The following GRIP1 variants were observed in gnomAD, a reference collection of about 807,000 sequenced individuals.
GRIP1 encodes glutamate receptor-interacting protein 1.
GRIP1 carries 45 observed loss-of-function variants against 129.9 expected under a neutral mutation model. That is an observed-to-expected ratio of 0.35 (90% CI 0.27 to 0.44). The LOEUF is 0.44. Ranked by LOEUF, GRIP1 falls within the 20% of genes least tolerant of loss-of-function variation. The probability of loss-of-function intolerance (pLI) is 1.00; values close to 1 mark genes in which losing one functional copy is unlikely to be tolerated. For missense variants in GRIP1, 1,196 were observed against 1,396.8 expected (o/e 0.86, Z 2.29); for synonymous variants, 530 against 520.8 (o/e 1.02, Z -0.24).
In GRIP1 at chr12:66,392,473, G is replaced by T; in HGVS notation, c.2299C>A (p.Pro767Thr). The T allele has an allele frequency of 6.2e-7, 1 of 1,614,124 alleles. No individual in the cohort carries two copies. Among genetic ancestry groups the T allele is most frequent in the Non-Finnish European group, 8.5e-7 (1 of 1,180,002 alleles). The change falls in exon 19 of 25, where the codon CCT becomes ACT. Residue 767 changes from proline to threonine, a missense_variant. By Grantham distance (38) the Pro-to-Thr change is conservative. Around this residue, in one of 5 missense-constraint regions of GRIP1, gnomAD observed 427 missense variants for 463.3 expected, o/e 0.92. Coordinates refer to ENST00000359742, the MANE Select transcript of GRIP1 (RefSeq NM_001366722.1). ...AGGTCACTCAAATGGCTAGAAATAG[G>T]GAACTTCTTGGGGCTCGATGCTGAC... is the stretch of plus-strand genomic sequence containing the variant. ...AQSASSPKKF[P>T]ISSHLSDLGD...
intron 4 of GRIP1, among the ~76,000 whole-genome samples, chr12:66,536,611 G>A (rs2061610985): frequency 6.6e-6 from 1 of 152,094 alleles, no homozygotes; most frequent in Non-Finnish European, 1.5e-5. Context: ...CAATGATGCT[G>A]TCCTAACCAC....
chr12:66,961,474 T>TA (rs902690859), intron 1 of GRIP1, among the ~76,000 whole-genome samples: 2 of 152,158 alleles, frequency 1.3e-5, no homozygotes, highest in African/African-American at 4.8e-5. Flanking sequence ...GAAACAATGT[T>TA]ATAAGAAGTA....
intron 1 of GRIP1, among the ~76,000 whole-genome samples, chr12:66,802,025 T>C (rs2038873711): frequency 1.3e-5 from 2 of 152,186 alleles, no homozygotes; most frequent in Non-Finnish European, 2.9e-5. Context: ...CACTCTTTAA[T>C]GCTTTTCTAC....
intron 19 of GRIP1, among the ~76,000 whole-genome samples, chr12:66,387,591 C>T (rs552153196): frequency 1.3e-5 from 2 of 152,288 alleles, no homozygotes; most frequent in South Asian, 2.1e-4. Flanking sequence ...ATGAAGAATA[C>T]TCATGAGAAA....
chr12:66,745,582 G>C (rs1195879873), intron 1 of GRIP1, among the ~76,000 whole-genome samples: 4 of 152,112 alleles, frequency 2.6e-5, no homozygotes, highest in Middle Eastern at 3.2e-3. Context: ...AATGCTGTAG[G>C]AGAATTATGC....
intron 2 of GRIP1, among the ~76,000 whole-genome samples, chr12:66,592,725 C>T (rs1166120575): frequency 6.6e-6 from 1 of 152,132 alleles, no homozygotes; most frequent in African/African-American, 2.4e-5. Context: ...TATTAAATGC[C>T]TCATCTCTAA....
At chr12:66,947,286 C>A (rs1421705049) in intron 1 of GRIP1, among the ~76,000 whole-genome samples, 3 of 152,194 alleles carry the variant, frequency 2.0e-5, no homozygotes, top group Non-Finnish European at 4.4e-5. Context: ...ACTTCTACTT[C>A]CTGTAAGATC....
chr12:67,052,027 G>C (rs1192356917), intron 1 of GRIP1, among the ~76,000 whole-genome samples: 1 of 152,150 alleles, frequency 6.6e-6, no homozygotes, highest in African/African-American at 2.4e-5. Flanking sequence ...CCACATATCA[G>C]TAACAAAGCA....
At chr12:66,896,111 G>A (rs1462236709) in intron 1 of GRIP1, among the ~76,000 whole-genome samples, 1 of 152,330 alleles carries the variant, frequency 6.6e-6, no homozygotes, top group South Asian at 2.1e-4. Flanking sequence ...TGTATTTAAA[G>A]TATAGCTAGA....
intron 1 of GRIP1, among the ~76,000 whole-genome samples, chr12:66,856,328 T>C (rs954369486): frequency 6.6e-6 from 1 of 152,060 alleles, no homozygotes; most frequent in Non-Finnish European, 1.5e-5. Flanking sequence ...ACTTCATGTC[T>C]AAAACACCAA....
intron 1 of GRIP1, among the ~76,000 whole-genome samples, chr12:66,609,720 G>T (rs964142100): frequency 6.6e-6 from 1 of 152,122 alleles, no homozygotes; most frequent in Non-Finnish European, 1.5e-5. Flanking sequence ...TCCACAAAAT[G>T]TGATTGTTTA....
intron 2 of GRIP1, among the ~76,000 whole-genome samples, chr12:66,550,092 A>G (rs993093957): frequency 6.6e-6 from 1 of 152,214 alleles, no homozygotes; most frequent in Non-Finnish European, 1.5e-5. Context: ...AAATATGGCA[A>G]TACGAGAATT....
chr12:66,535,598 A>G (rs1269783220), intron 4 of GRIP1, among the ~76,000 whole-genome samples: 3 of 152,226 alleles, frequency 2.0e-5, no homozygotes, highest in African/African-American at 7.2e-5. Flanking sequence ...CAAAGCTGCC[A>G]TGTAACTGCT....
At chr12:66,676,254 G>A (rs571172952) in intron 1 of GRIP1, among the ~76,000 whole-genome samples, 2 of 152,294 alleles carry the variant, frequency 1.3e-5, no homozygotes, top group East Asian at 3.9e-4. Flanking sequence ...GATATATGAA[G>A]AATGTAAGAA....
At chr12:66,567,826 T>G (rs535637113) in intron 2 of GRIP1, 1 of 185,674 alleles carries the variant, frequency 5.4e-6, no homozygotes, top group Non-Finnish European at 1.2e-5. Context: ...ATGTTTGCAC[T>G]ATCACCAGTT....
chr12:66,481,758 C>A (rs2059813008), intron 7 of GRIP1, among the ~76,000 whole-genome samples: 1 of 152,118 alleles, frequency 6.6e-6, no homozygotes, highest in Admixed American at 6.5e-5. Context: ...CCATGGAATA[C>A]TATGCAGTCA....
At chr12:66,612,938 C>T (rs551127444) in intron 1 of GRIP1, among the ~76,000 whole-genome samples, 34 of 152,128 alleles carry the variant, frequency 2.2e-4, no homozygotes, top group South Asian at 6.2e-4. Flanking sequence ...ATTCAATTAC[C>T]GGGGAAAGAC....
At chr12:66,911,161 G>A (rs1350613503) in intron 1 of GRIP1, among the ~76,000 whole-genome samples, 3 of 152,226 alleles carry the variant, frequency 2.0e-5, no homozygotes, top group African/African-American at 7.2e-5. Context: ...TGCTACAACA[G>A]TGGGAGAAAC....
chr12:66,664,571 G>T (rs2136208068), intron 1 of GRIP1, among the ~76,000 whole-genome samples: 1 of 152,184 alleles, frequency 6.6e-6, no homozygotes, highest in East Asian at 1.9e-4. Flanking sequence ...CATATTCTGG[G>T]TTGCTGAAAA....
Sources: allele counts gnomAD v4.1 joint callset (sites outside exome capture counted in the v4.1 genomes callset), GRCh38; gene constraint gnomAD v4.1.1; regional missense constraint gnomAD v4.1.1; transcripts MANE v1.5; gene names NCBI Gene and HGNC (gene_info 2026-07-23, HGNC 2026-07-21).